Variants in MMP24 observed in about 807,000 individuals in gnomAD.
MMP24 encodes matrix metallopeptidase 24.
In MMP24, 25 loss-of-function variants were observed where a neutral mutation model predicts 62.8. That is an observed-to-expected ratio of 0.40 (90% CI 0.29 to 0.56). The LOEUF is 0.56. Ranked by LOEUF, MMP24 falls within the 20% of genes least tolerant of loss-of-function variation. The probability of loss-of-function intolerance (pLI) is 0.50; values close to 1 mark genes in which losing one functional copy is unlikely to be tolerated. For missense variants in MMP24, 634 were observed against 853.6 expected (o/e 0.74, Z 3.21); for synonymous variants, 319 against 350.5 (o/e 0.91, Z 1.00).
intron 4 of MMP24, among the ~76,000 whole-genome samples, chr20:35,256,714 C>CAAA (rs74173944): frequency 0.17 from 6,639 of 39,588 alleles, 879 homozygotes; most frequent in Non-Finnish European, 0.29. Flanking sequence ...GATTCCGTCT[C>CAAA]AAAAAAAAAA....
chr20:35,241,359 T>A (rs1406989598), intron 1 of MMP24, among the ~76,000 whole-genome samples: 1 of 152,190 alleles, frequency 6.6e-6, no homozygotes, highest in South Asian at 2.1e-4. Context: ...CTTCTTGTCC[T>A]GTCCCCTGGC....
At chr20:35,245,232 G>T (rs1236488955) in intron 1 of MMP24, among the ~76,000 whole-genome samples, 2 of 151,988 alleles carry the variant, frequency 1.3e-5, no homozygotes, top group African/African-American at 4.8e-5. Context: ...TTGATATGTG[G>T]CCCAGGCTGG....
At chr20:35,249,588 A>C (rs2146214016) in intron 2 of MMP24, among the ~76,000 whole-genome samples, 1 of 150,258 alleles carries the variant, frequency 6.7e-6, no homozygotes, top group Middle Eastern at 3.4e-3. Flanking sequence ...GGGAATAATA[A>C]TTTCTTTTTT....
chr20:35,274,510 C>G lies in MMP24; in HGVS notation c.1839C>G (p.Leu613=), dbSNP rs779770563. The G allele has an allele frequency of 6.2e-7, 1 of 1,614,052 alleles. No homozygotes were observed. The highest frequency in any genetic ancestry group is 8.5e-7 in the Non-Finnish European group (1 of 1,179,896). Reference sequence around the variant, plus strand: ...TGGTCATCCCCTGCATCCTGTCCCTCTGCATCCTGGTGCTGGTCTACACCA... The same window carrying G: ...TGGTCATCCCCTGCATCCTGTCCCTGTGCATCCTGGTGCTGGTCTACACCA... ...VAVVIPCILS[L]CILVLVYTIF... The change falls in exon 9 of 9, where the codon CTC becomes CTG. Residue 613 remains leucine, a synonymous_variant. Transcript: ENST00000246186. The surrounding 1 kb of genome is among the most constrained non-coding windows in gnomAD (Gnocchi z 5.1).
At chr20:35,227,629 G>A (rs1006204135) in intron 1 of MMP24, among the ~76,000 whole-genome samples, 1 of 152,108 alleles carries the variant, frequency 6.6e-6, no homozygotes, top group African/African-American at 2.4e-5. Context: ...AAAAGCTCTC[G>A]GAGGGGATTG....
intron 4 of MMP24, 23 bp downstream of exon 4, chr20:35,254,777 G>A: frequency 2.5e-6 from 4 of 1,593,368 alleles, no homozygotes; most frequent in South Asian, 1.2e-5. Flanking sequence ...GGGGACAGGG[G>A]TCAGTCTTGG....
intron 8 of MMP24, 198 bp downstream of exon 8, chr20:35,272,033 C>G: frequency 3.2e-6 from 2 of 634,542 alleles, no homozygotes; most frequent in Non-Finnish European, 5.4e-6. Flanking sequence ...TTTTCATCTG[C>G]AGGAATGATT....
rs546535041 is a variant in MMP24 at position 35,257,690 on chromosome 20, C to T, written c.817+2936C>T. Among the ~76,000 whole-genome samples, 17 of 152,258 alleles carry T rather than the reference C, an allele frequency of 1.1e-4. No individual in the cohort carries two copies. In the South Asian group the frequency reaches 3.1e-3, roughly 28 times the overall value. On this transcript the variant is annotated intron_variant, in intron 4 of 8. Coordinates refer to ENST00000246186, the MANE Select transcript of MMP24 (RefSeq NM_006690.4). ...AGCCGGTGGTATGTGTGGGAAGGACCGGGGACCTGTGGATGGGCACCATCC... is the reference window on the plus strand; with the variant it reads ...AGCCGGTGGTATGTGTGGGAAGGACTGGGGACCTGTGGATGGGCACCATCC...
intron 1 of MMP24, among the ~76,000 whole-genome samples, chr20:35,240,160 C>T (rs945413936): frequency 7.9e-5 from 12 of 152,216 alleles, no homozygotes; most frequent in African/African-American, 2.9e-4. Flanking sequence ...CTCACCACCA[C>T]CTCTGCTGTC....
In MMP24 at chr20:35,260,223, C is replaced by G. The variant is rs558155695; in HGVS notation, c.818-3568C>G. On this transcript the variant is annotated intron_variant, in intron 4 of 8. Coordinates refer to ENST00000246186, the MANE Select transcript of MMP24 (RefSeq NM_006690.4). ...CCCTGCCCTGCTCCCTCTGTCTCCC[C>G]CTCAGGGCTCTCTTGGGTTTCTGTG... is the stretch of plus-strand genomic sequence containing the variant. Among the ~76,000 whole-genome samples the G allele has an allele frequency of 2.2e-4, 34 of 152,320 alleles. No individual in the cohort carries two copies. In the South Asian group the frequency reaches 5.8e-3, roughly 26 times the overall value.
intron 4 of MMP24, among the ~76,000 whole-genome samples, chr20:35,261,063 G>T (rs1019340610): frequency 2.0e-5 from 3 of 152,174 alleles, no homozygotes; most frequent in Non-Finnish European, 4.4e-5. Flanking sequence ...AAATGCCAGA[G>T]GTCAAGGCAA....
chr20:35,271,924 CGTCCAGGTTTG>C lies in MMP24; in HGVS notation c.1600+90_1600+100del. 1 of 1,414,498 alleles carries C rather than the reference CGTCCAGGTTTG, an allele frequency of 7.1e-7. No homozygotes were observed. The highest frequency in any genetic ancestry group is 2.7e-5 in the Admixed American group (1 of 37,368). 87.6% of individuals were successfully genotyped at this position (1,414,498 alleles called of 1,614,324 possible). A position where few individuals can be genotyped will look rare whatever the true frequency, so the allele number is the denominator to read the frequency against. ...CACGGGCATACTCAGTGCCCATGGG[CGTCCAGGTTTG>C]AAAAAACACCTGGTGGCAGACAACT... On this transcript the variant is annotated intron_variant, in intron 8 of 8. Coordinates refer to ENST00000246186, the MANE Select transcript of MMP24 (RefSeq NM_006690.4). The surrounding 1 kb of genome is among the most constrained non-coding windows in gnomAD (Gnocchi z 4.0).
rs2060696188 is a variant in MMP24 at position 35,275,063 on chromosome 20, A to G, written c.*454A>G. The stretch of plus-strand genomic sequence containing the variant: ...CCCCTTTTGCCAACACCTGCTGGTC[A>G]GATGTCCCCCTACCCCCACCCCACT... On this transcript the variant is annotated 3_prime_UTR_variant, in exon 9 of 9. Transcript: ENST00000246186. 1.2e-5 allele frequency: 2 copies of G among 169,980 alleles called. No homozygotes were observed. Among genetic ancestry groups the G allele is most frequent in the Admixed American group, 1.1e-4 (2 of 18,646 alleles). 10.5% of individuals were successfully genotyped at this position (169,980 alleles called of 1,614,324 possible).
chr20:35,227,506 TG>T (rs2060419949), intron 1 of MMP24, among the ~76,000 whole-genome samples: 1 of 150,554 alleles, frequency 6.6e-6, no homozygotes, highest in African/African-American at 2.4e-5. Context: ...CCAGCGGGAG[TG>T]GGGGTTGCAA....
chr20:35,230,041 G>A (rs560151206), intron 1 of MMP24, among the ~76,000 whole-genome samples: 94 of 152,180 alleles, frequency 6.2e-4, no homozygotes, highest in African/African-American at 2.2e-3. Context: ...CCAGGCTGGA[G>A]TGCAGTGGGG....
rs61729975 is a variant in MMP24 at position 35,271,792 on chromosome 20, C to T, written c.1557C>T (p.Gly519=). 4.1e-4 allele frequency: 654 copies of T among 1,608,484 alleles called. 1 individual carries two copies. In the African/African-American group the frequency reaches 7.1e-3, roughly 18 times the overall value. The change falls in exon 8 of 9, where the codon GGC becomes GGT. Residue 519 remains glycine, a synonymous_variant. Transcript: ENST00000246186. This position sits in a 1 kb window ranked among gnomAD's most constrained non-coding sequence, Gnocchi z 4.0. ...GYPKPITVWK[G]IPQAPQGAFI... ...CTAAGCCCATCACCGTGTGGAAGGG[C>T]ATCCCACAGGCTCCCCAAGGAGCCT... is the stretch of plus-strand genomic sequence containing the variant.
At position 35,252,136 on chromosome 20, in the gene MMP24, A is replaced by T; in HGVS notation, c.512+115A>T. 4.9e-6 allele frequency: 4 copies of T among 820,182 alleles called. No homozygotes were observed. In the South Asian group the frequency reaches 6.2e-5, roughly 13 times the overall value. The allele number at this position is 820,182 out of a possible 1,614,324, so 50.8% of individuals were successfully genotyped here. ...GGGGCCTGGGGATCAGGCTTACAAC[A>T]TAGGCCAAGAGCCAGGCATGTGGGC... On this transcript the variant is annotated intron_variant, in intron 3 of 8. Transcript: ENST00000246186.
chr20:35,260,908 G>A (rs2060599267), intron 4 of MMP24, among the ~76,000 whole-genome samples: 2 of 152,152 alleles, frequency 1.3e-5, no homozygotes, highest in African/African-American at 4.8e-5. Context: ...GTGTCCCTAG[G>A]CCAGTGACGC....
Position 35,251,942 on chromosome 20 carries a change from C to A in MMP24, c.433C>A (p.Pro145Thr). The change falls in exon 3 of 9, where the codon CCC becomes ACC. Residue 145 changes from proline to threonine, a missense_variant. Pro to Thr is a conservative substitution (Grantham distance 38, BLOSUM62 -1). Transcript: ENST00000246186. ...KKPRCGVPDH[P>T]HLSRRRRNKR... ...ACCCCGATGTGGTGTCCCTGATCAC[C>A]CCCACTTAAGCCGTAGGCGGAGAAA... 1 of 1,613,990 alleles carries A rather than the reference C, an allele frequency of 6.2e-7. No homozygotes were observed. Among genetic ancestry groups the A allele is most frequent in the Non-Finnish European group, 8.5e-7 (1 of 1,179,890 alleles).
Sources: allele counts gnomAD v4.1 joint callset (sites outside exome capture counted in the v4.1 genomes callset), GRCh38; gene constraint gnomAD v4.1.1; non-coding constraint Gnocchi (gnomAD v3.1); transcripts MANE v1.5; gene names NCBI Gene and HGNC (gene_info 2026-07-23, HGNC 2026-07-21).